Variants in VAX2 observed in about 807,000 individuals in gnomAD.
VAX2 encodes the protein ventral anterior homeobox 2.
A neutral mutation model predicts 12.5 loss-of-function variants in VAX2; 8 were observed. The observed-to-expected ratio is 0.64, with a 90% CI of 0.37 to 1.15. The LOEUF (loss-of-function observed/expected upper bound fraction) is 1.15. Among genes scored for constraint, VAX2 ranks in the 50% most tolerant of loss-of-function variants. The pLI is 0.01. For synonymous variants in VAX2, 183 were observed against 187.6 expected (o/e 0.98, Z 0.20); for missense variants, 476 against 412.9 (o/e 1.15, Z -1.32).
chr2:70,926,406 G>C (rs1428484010), intron 2 of VAX2, among the ~76,000 whole-genome samples: 4 of 152,188 alleles, frequency 2.6e-5, no homozygotes, highest in Admixed American at 6.5e-5. Context: ...TACACTGAAA[G>C]TTCTTCTCAT....
At chr2:70,915,403 A>G (rs573547919) in intron 1 of VAX2, among the ~76,000 whole-genome samples, 40 of 150,950 alleles carry the variant, frequency 2.6e-4, no homozygotes, top group African/African-American at 9.7e-4. Context: ...TAATTTTTGT[A>G]TTTTTTAGTA....
rs553239804 is a variant in VAX2 at position 70,904,132 on chromosome 2, C to T, written c.247+3264C>T. ...GACGCAGCGATCCTCCCATTTGTAC[C>T]CTAAGGCCTGAGAAGGCCGCTCCAC... On this transcript the variant is annotated intron_variant, in intron 1 of 2. Coordinates refer to ENST00000234392, the MANE Select transcript of VAX2 (RefSeq NM_012476.3). The surrounding 1 kb of genome is among the most constrained non-coding windows in gnomAD (Gnocchi z 4.2). Among the ~76,000 whole-genome samples the T allele has an allele frequency of 2.0e-5, 3 of 152,256 alleles. No homozygotes were observed. The highest frequency in any genetic ancestry group is 4.8e-5 in the African/African-American group (2 of 41,466).
intron 2 of VAX2, among the ~76,000 whole-genome samples, chr2:70,932,266 G>A (rs1266440478): frequency 6.6e-6 from 1 of 152,164 alleles, no homozygotes; most frequent in Non-Finnish European, 1.5e-5. Flanking sequence ...CACATGTGGG[G>A]TTTGGGGTGT....
At position 70,901,584 on chromosome 2, in the gene VAX2, C is replaced by T. The variant is rs551460376; in HGVS notation, c.247+716C>T. Among the ~76,000 whole-genome samples the T allele has an allele frequency of 2.6e-5, 4 of 152,370 alleles. No individual in the cohort carries two copies. The East Asian group carries it at 7.7e-4, about 29-fold the overall frequency. On this transcript the variant is annotated intron_variant, in intron 1 of 2. Transcript: ENST00000234392. ...CCCGGCCATTCCTCTCAGCCGAACG[C>T]GCCTTCCCAGCACCTTCTTCCTGCA...
rs55909927 is a variant in VAX2, at chr2:70,917,151, CA to C, written c.248-3926del. 7.6e-4 allele frequency among the ~76,000 whole-genome samples: 63 copies of C among 82,654 alleles called. 1 individual carries two copies. The highest frequency in any genetic ancestry group is 7.4e-3 in the Admixed American group (48 of 6,478). The allele number at this position is 82,654 out of a possible 152,430, so 54.2% of individuals were successfully genotyped here. ...GGGCAACAAGAGTGAAACTCTGTCTCAAAAAAAAAAAAAAAAAAAAATCAGC... is the reference window on the plus strand; with the variant it reads ...GGGCAACAAGAGTGAAACTCTGTCTCAAAAAAAAAAAAAAAAAAAATCAGC... On this transcript the variant is annotated intron_variant, in intron 1 of 2. Coordinates refer to ENST00000234392, the MANE Select transcript of VAX2 (RefSeq NM_012476.3).
At chr2:70,901,617 C>G (rs1199009744) in intron 1 of VAX2, among the ~76,000 whole-genome samples, 1 of 152,270 alleles carries the variant, frequency 6.6e-6, no homozygotes, top group Non-Finnish European at 1.5e-5. Flanking sequence ...GCAAGCTCCT[C>G]CATCTGGACT....
chr2:70,906,581 T>C (rs924019262), intron 1 of VAX2, among the ~76,000 whole-genome samples: 3 of 130,826 alleles, frequency 2.3e-5, no homozygotes, highest in Non-Finnish European at 3.1e-5. Context: ...CAGACTAGAG[T>C]GCAAGGGTGC....
chr2:70,907,591 C>A (rs1679088922), intron 1 of VAX2, among the ~76,000 whole-genome samples: 1 of 152,220 alleles, frequency 6.6e-6, no homozygotes, highest in Non-Finnish European at 1.5e-5. Context: ...TACTTGGCAG[C>A]CCACCGCGTC....
At position 70,903,845 on chromosome 2, in the gene VAX2, G is replaced by T. The variant is rs895665550; in HGVS notation, c.247+2977G>T. 5.9e-5 allele frequency among the ~76,000 whole-genome samples: 9 copies of T among 152,148 alleles called. No homozygotes were observed. In the East Asian group the frequency reaches 1.3e-3, roughly 23 times the overall value. On this transcript the variant is annotated intron_variant, in intron 1 of 2. Coordinates refer to ENST00000234392, the MANE Select transcript of VAX2 (RefSeq NM_012476.3). ...CTGTACTGGAGGTGAGCACCTAGGG[G>T]TTAAGAAGCCACTAATGGTAAAGGA...
chr2:70,931,521 A>G (rs1465441825), intron 2 of VAX2, among the ~76,000 whole-genome samples: 1 of 152,188 alleles, frequency 6.6e-6, no homozygotes, highest in Non-Finnish European at 1.5e-5. Flanking sequence ...AGACCTCACC[A>G]TCCCCAGACA....
intron 2 of VAX2, 130 bp from the exon 3 acceptor site, chr2:70,932,637 A>AGCCCCCCCCC: frequency 1.4e-5 from 2 of 144,554 alleles, no homozygotes; most frequent in Non-Finnish European, 1.5e-5. Flanking sequence ...CCACCCTCAC[A>AGCCCCCCCCC]CCCCACCCCC....
At chr2:70,923,056 T>C (rs1679495049) in intron 2 of VAX2, among the ~76,000 whole-genome samples, 1 of 152,110 alleles carries the variant, frequency 6.6e-6, no homozygotes, top group Non-Finnish European at 1.5e-5. Flanking sequence ...CATGTGTACA[T>C]GTGTGTGGTG....
At chr2:70,923,034 T>TGC (rs1553413063) in intron 2 of VAX2, among the ~76,000 whole-genome samples, 2 of 152,026 alleles carry the variant, frequency 1.3e-5, no homozygotes, top group Non-Finnish European at 2.9e-5. Flanking sequence ...TGTGTGTGTG[T>TGC]GCACGTGTGT....
chr2:70,932,031 A>G (rs1679704818), intron 2 of VAX2, among the ~76,000 whole-genome samples: 1 of 152,214 alleles, frequency 6.6e-6, no homozygotes, highest in African/African-American at 2.4e-5. Context: ...TTATTGGTCC[A>G]AGGTGAGAAG....
intron 1 of VAX2, among the ~76,000 whole-genome samples, chr2:70,911,471 T>C (rs1553411221): frequency 6.6e-6 from 1 of 152,218 alleles, no homozygotes; most frequent in African/African-American, 2.4e-5. Context: ...ATAAAAATGC[T>C]GGGACAAAGG....
At chr2:70,903,527 A>C (rs1221142709) in intron 1 of VAX2, among the ~76,000 whole-genome samples, 1 of 152,208 alleles carries the variant, frequency 6.6e-6, no homozygotes, top group Non-Finnish European at 1.5e-5. Flanking sequence ...TACTGACCTT[A>C]TAGCCCTTTA....
intron 1 of VAX2, among the ~76,000 whole-genome samples, chr2:70,909,694 T>C (rs189884210): frequency 6.6e-6 from 1 of 152,182 alleles, no homozygotes; most frequent in Non-Finnish European, 1.5e-5. Context: ...GCAAGTAGAG[T>C]AAAAGAATAT....
At position 70,931,764 on chromosome 2, in the gene VAX2, T is replaced by C. The variant is rs539599830; in HGVS notation, c.436-1003T>C. Among the ~76,000 whole-genome samples the C allele has an allele frequency of 8.5e-5, 13 of 152,318 alleles. 1 individual carries two copies. In the South Asian group the frequency reaches 2.7e-3, roughly 32 times the overall value. On this transcript the variant is annotated intron_variant, in intron 2 of 2. Coordinates refer to ENST00000234392, the MANE Select transcript of VAX2 (RefSeq NM_012476.3). ...GCAGACCACAGACATTATTCAGCAC[T>C]CCAGGCCCAAGAAGCGGCCAATGGG...
At chr2:70,926,257 C>T (rs187266269) in intron 2 of VAX2, among the ~76,000 whole-genome samples, 34 of 152,234 alleles carry the variant, frequency 2.2e-4, no homozygotes, top group Admixed American at 6.5e-4. Context: ...ACCTCTGTCC[C>T]GGCCTTGCCC....
Sources: allele counts gnomAD v4.1 joint callset (sites outside exome capture counted in the v4.1 genomes callset), GRCh38; gene constraint gnomAD v4.1.1; non-coding constraint Gnocchi (gnomAD v3.1); transcripts MANE v1.5; gene names NCBI Gene and HGNC (gene_info 2026-07-23, HGNC 2026-07-21).